Variants in UPK1A observed in about 807,000 individuals in gnomAD.
UPK1A encodes the protein uroplakin-1a.
A neutral mutation model predicts 32.3 loss-of-function variants in UPK1A; 31 were observed. The observed-to-expected ratio is 0.96, with a 90% confidence interval of 0.72 to 1.30. The LOEUF is 1.30. Ranked by LOEUF, UPK1A falls within the 50% of genes most tolerant of loss-of-function variation. The pLI is 0.00. For synonymous variants in UPK1A, 135 were observed against 137.1 expected (o/e 0.98, Z 0.11); for missense variants, 340 against 357.4 (o/e 0.95, Z 0.39).
At chr19:35,669,390 C>A (rs1442902674) in intron 3 of UPK1A, among the ~76,000 whole-genome samples, 1 of 151,690 alleles carries the variant, frequency 6.6e-6, no homozygotes, top group African/African-American at 2.4e-5. Context: ...CGTGGCCAGG[C>A]GCAGTGGCTC....
At chr19:35,674,052 C>A (rs895795593) in intron 5 of UPK1A, among the ~76,000 whole-genome samples, 1 of 151,316 alleles carries the variant, frequency 6.6e-6, no homozygotes, top group East Asian at 1.9e-4. Context: ...TGCGCCCCAC[C>A]ACACCCGGCT....
chr19:35,673,333 G>T (rs763256873), intron 4 of UPK1A, 27 bp downstream of exon 4: 1 of 1,613,600 alleles, frequency 6.2e-7, no homozygotes, highest in Non-Finnish European at 8.5e-7. Context: ...CTGGGGAGGG[G>T]CCTGACCTGC....
chr19:35,674,363 C>G (rs562741153), intron 5 of UPK1A, among the ~76,000 whole-genome samples: 1 of 150,594 alleles, frequency 6.6e-6, no homozygotes, highest in South Asian at 2.1e-4. Flanking sequence ...TCTCCTGCCT[C>G]AGCCTCCCGA....
intron 5 of UPK1A, among the ~76,000 whole-genome samples, chr19:35,674,241 C>CTTTTTTTTTTTTTTTTT (rs35857173): frequency 1.0e-5 from 1 of 98,982 alleles, no homozygotes; most frequent in Non-Finnish European, 2.0e-5. Flanking sequence ...TTCTTTTTAT[C>CTTTTTTTTTTTTTTTTT]TTTTTTTTTT....
intron 5 of UPK1A, among the ~76,000 whole-genome samples, chr19:35,675,501 G>T (rs1968166883): frequency 6.6e-6 from 1 of 151,972 alleles, no homozygotes; most frequent in Non-Finnish European, 1.5e-5. Flanking sequence ...GGCTGGTCTC[G>T]AACTCCTGAC....
chr19:35,669,462 C>T lies in UPK1A; in HGVS notation c.285+808C>T, dbSNP rs114346452. On this transcript the variant is annotated intron_variant, in intron 3 of 7. Coordinates refer to ENST00000617999, the Ensembl canonical transcript of UPK1A. ...GACAGATCATTTGAGGTCGGGAGTC[C>T]AAGACCAGACTGGCCAACATGGCGA... Among the ~76,000 whole-genome samples the T allele has an allele frequency of 6.0e-3, 880 of 147,360 alleles. 2 individuals are homozygous for T. Among genetic ancestry groups the T allele is most frequent in the African/African-American group, 0.021 (834 of 39,838 alleles).
At chr19:35,668,366 C>T in intron 2 of UPK1A, 88 bp from the exon 3 acceptor site, 1 of 1,535,854 alleles carries the variant, frequency 6.5e-7, no homozygotes, top group Non-Finnish European at 8.9e-7. Context: ...GTGGAGGCTC[C>T]AAATGGGGAG....
intron 3 of UPK1A, among the ~76,000 whole-genome samples, chr19:35,669,557 G>C (rs1275604210): frequency 6.6e-6 from 1 of 150,590 alleles, no homozygotes; most frequent in Non-Finnish European, 1.5e-5. Flanking sequence ...TGTAATCCCC[G>C]CTACTCAGGA....
intron 3 of UPK1A, among the ~76,000 whole-genome samples, chr19:35,671,368 C>T (rs1404897848): frequency 1.9e-5 from 2 of 105,010 alleles, no homozygotes; most frequent in Non-Finnish European, 3.6e-5. Flanking sequence ...GCCTGGGCGA[C>T]AGAGCAAGAC....
Position 35,677,957 on chromosome 19 carries a change from T to A in UPK1A, c.733-18T>A. On this transcript the variant is annotated intron_variant, in intron 7 of 7. Coordinates refer to ENST00000617999, the Ensembl canonical transcript of UPK1A. Reference sequence around the variant, plus strand: ...GGGTGGGGGGCGGAGTGCCCTCATCTCGCTGCCTCCTCGCCAGCTCCCGGT... The same window carrying A: ...GGGTGGGGGGCGGAGTGCCCTCATCACGCTGCCTCCTCGCCAGCTCCCGGT... 2 of 1,592,046 alleles carry A rather than the reference T, an allele frequency of 1.3e-6. No homozygotes were observed. The highest frequency in any genetic ancestry group is 1.7e-6 in the Non-Finnish European group (2 of 1,170,328).
At chr19:35,676,155 G>A (rs1268173090) in intron 6 of UPK1A, 136 bp downstream of exon 6, 8 of 981,008 alleles carry the variant, frequency 8.2e-6, no homozygotes, top group Non-Finnish European at 1.0e-5. Context: ...TCCCCTCTCT[G>A]ATTTTCTTGT....
intron 3 of UPK1A, among the ~76,000 whole-genome samples, chr19:35,669,108 T>G (rs1968047053): frequency 6.6e-6 from 1 of 152,150 alleles, no homozygotes; most frequent in Non-Finnish European, 1.5e-5. Flanking sequence ...CTGTTCTAAA[T>G]GGTTTACTGG....
rs768318771 is a variant in UPK1A, at chr19:35,668,587, CCTT to C, written c.223_225del (p.Phe75del). 7 of 1,614,128 alleles carry C rather than the reference CCTT, an allele frequency of 4.3e-6. No homozygotes were observed. In the South Asian group the frequency reaches 6.6e-5, roughly 15 times the overall value. Reference sequence around the variant, plus strand: ...TGGATTGCCATCTTCTGCGGCTTCTCCTTCTTCATGGTAGCCAGTTTTGGTGTG... The same window carrying C: ...TGGATTGCCATCTTCTGCGGCTTCTCCTTCATGGTAGCCAGTTTTGGTGTG... On this transcript the variant is annotated inframe_deletion, in exon 3 of 8. Coordinates refer to ENST00000617999, the Ensembl canonical transcript of UPK1A.
intron 5 of UPK1A, among the ~76,000 whole-genome samples, chr19:35,674,213 C>G (rs1440214692): frequency 7.0e-6 from 1 of 143,614 alleles, no homozygotes; most frequent in Non-Finnish European, 1.5e-5. Flanking sequence ...TGCCTGGCCT[C>G]AAAGCACATT....
chr19:35,677,210 TTAAAAAAGGCAAGAGAC>T (rs1360592048), intron 6 of UPK1A, among the ~76,000 whole-genome samples: 1 of 147,852 alleles, frequency 6.8e-6, no homozygotes, highest in Admixed American at 6.8e-5. Context: ...GGCAAGAGAC[TTAAAAAAGGCAAGAGAC>T]TTTAAAAAAA....
Position 35,673,418 on chromosome 19 carries a change from T to G in UPK1A, c.361-20T>G, listed in dbSNP as rs1429339801. 2 of 1,613,122 alleles carry G rather than the reference T, an allele frequency of 1.2e-6. No homozygotes were observed. Among genetic ancestry groups the G allele is most frequent in the Non-Finnish European group, 1.7e-6 (2 of 1,179,406 alleles). On this transcript the variant is annotated intron_variant, in intron 4 of 7. Transcript: ENST00000617999. ...CCCCACCCAGCCCTGCCGGCCCTTGTTCTTCCCTGTTCTCCTCAGATGGTG... is the reference window on the plus strand; with the variant it reads ...CCCCACCCAGCCCTGCCGGCCCTTGGTCTTCCCTGTTCTCCTCAGATGGTG...
At chr19:35,669,265 G>A (rs1021226020) in intron 3 of UPK1A, among the ~76,000 whole-genome samples, 1 of 152,074 alleles carries the variant, frequency 6.6e-6, no homozygotes, top group Admixed American at 6.6e-5. Context: ...GTTTCAACCT[G>A]AGCAGATCGG....
intron 6 of UPK1A, 85 bp downstream of exon 6, chr19:35,676,104 C>G (rs2146389333): frequency 7.0e-7 from 1 of 1,418,620 alleles, no homozygotes; most frequent in East Asian, 2.5e-5. Flanking sequence ...CTCTCTTTCT[C>G]CCTCCCTGTG....
At chr19:35,672,828 T>A (rs1968122947) in intron 3 of UPK1A, among the ~76,000 whole-genome samples, 1 of 152,030 alleles carries the variant, frequency 6.6e-6, no homozygotes, top group Non-Finnish European at 1.5e-5. Flanking sequence ...AATCTTCCCA[T>A]CTCAGCCTCC....
Sources: allele counts gnomAD v4.1 joint callset (sites outside exome capture counted in the v4.1 genomes callset), GRCh38; gene constraint gnomAD v4.1.1; transcripts MANE v1.5; gene names NCBI Gene and HGNC (gene_info 2026-07-23, HGNC 2026-07-21).